Variants in ZPLD1 observed in about 807,000 individuals in gnomAD.
The protein encoded by ZPLD1 is zona pellucida like domain containing 1.
ZPLD1 carries 34 observed loss-of-function variants against 47.2 expected under a neutral mutation model. The ratio of observed to expected loss-of-function variants is 0.72; its 90% CI spans 0.55 to 0.96. The LOEUF (loss-of-function observed/expected upper bound fraction) is 0.96. ZPLD1 is among the 40% of genes least tolerant of loss of function. The pLI is 0.00. For missense variants in ZPLD1, 512 were observed against 505.8 expected (o/e 1.01, Z -0.12); for synonymous variants, 176 against 186.2 (o/e 0.95, Z 0.45).
chr3:102,474,933 C>G (rs1376173653), intron 10 of ZPLD1, among the ~76,000 whole-genome samples: 1 of 151,972 alleles, frequency 6.6e-6, no homozygotes, highest in East Asian at 1.9e-4. Context: ...GGATAAAAGT[C>G]TCCTGAAAAA....
intron 8 of ZPLD1, among the ~76,000 whole-genome samples, chr3:102,424,912 C>T (rs1017021942): frequency 2.0e-5 from 3 of 151,992 alleles, no homozygotes; most frequent in Non-Finnish European, 2.9e-5. Flanking sequence ...CTAATCTAAA[C>T]CCATGATTTT....
intron 8 of ZPLD1, among the ~76,000 whole-genome samples, chr3:102,466,941 T>C (rs1707602921): frequency 6.6e-6 from 1 of 150,958 alleles, no homozygotes; most frequent in South Asian, 2.1e-4. Context: ...TTTCCTAAAT[T>C]AAAAAAAAAT....
At chr3:102,424,414 T>C (rs2107308923) in intron 8 of ZPLD1, among the ~76,000 whole-genome samples, 1 of 152,246 alleles carries the variant, frequency 6.6e-6, no homozygotes, top group Non-Finnish European at 1.5e-5. Flanking sequence ...ATAACAAGCA[T>C]CCTCCCAAGA....
chr3:102,476,441 C>A (rs2107361733), intron 10 of ZPLD1, among the ~76,000 whole-genome samples: 1 of 152,132 alleles, frequency 6.6e-6, no homozygotes, highest in South Asian at 2.1e-4. Flanking sequence ...TTAACAGATG[C>A]AAATAAAACT....
intron 7 of ZPLD1, among the ~76,000 whole-genome samples, chr3:102,396,627 C>T (rs1706560824): frequency 6.6e-6 from 1 of 152,136 alleles, no homozygotes; most frequent in Non-Finnish European, 1.5e-5. Context: ...CCGATGAGGA[C>T]ACTAAGGCTG....
intron 6 of ZPLD1, among the ~76,000 whole-genome samples, chr3:102,387,030 C>G (rs1424947521): frequency 1.3e-5 from 2 of 152,192 alleles, no homozygotes; most frequent in African/African-American, 2.4e-5. Flanking sequence ...CTATTCTCCT[C>G]CATAATTTCC....
In ZPLD1 at chr3:102,436,843, A is replaced by G. The variant is rs1289887062; in HGVS notation, c.-122-17A>G. 1.0e-6 allele frequency: 1 copy of G among 973,302 alleles called. No individual in the cohort carries two copies. The highest frequency in any genetic ancestry group is 1.2e-6 in the Non-Finnish European group (1 of 818,970). The allele number at this position is 973,302 out of a possible 1,614,324, so 60.3% of individuals were successfully genotyped here. On this transcript the variant is annotated splice_polypyrimidine_tract_variant and intron_variant, in intron 1 of 11. Coordinates refer to ENST00000466937, the MANE Select transcript of ZPLD1 (RefSeq NM_001329788.2). The stretch of plus-strand genomic sequence containing the variant: ...AATAACTCACCAACTTAAATTCCTG[A>G]TTCTGTAATTTCTTAGGATACACCT...
In ZPLD1 at chr3:102,477,750, C is replaced by A; in HGVS notation, c.*132C>A. 1 of 834,174 alleles carries A rather than the reference C, an allele frequency of 1.2e-6. No homozygotes were observed. The highest frequency in any genetic ancestry group is 1.7e-5 in the African/African-American group (1 of 57,156). The allele number at this position is 834,174 out of a possible 1,614,324, so 51.7% of individuals were successfully genotyped here. A position where few individuals can be genotyped will look rare whatever the true frequency, so the allele number is the denominator to read the frequency against. On this transcript the variant is annotated 3_prime_UTR_variant, in exon 12 of 12. Coordinates refer to ENST00000466937, the MANE Select transcript of ZPLD1 (RefSeq NM_001329788.2). ...AGGTTTGATAAATTTCACAGTATAG[C>A]TTGTCAGCATAATGATAGTGAAAGA...
chr3:102,411,044 T>C (rs1706742839), intron 7 of ZPLD1, among the ~76,000 whole-genome samples: 1 of 151,826 alleles, frequency 6.6e-6, no homozygotes, highest in Non-Finnish European at 1.5e-5. Flanking sequence ...GAAAGAATTG[T>C]GTCTGCTTGC....
chr3:102,453,602 A>G (rs1576156977), intron 4 of ZPLD1, among the ~76,000 whole-genome samples: 1 of 152,252 alleles, frequency 6.6e-6, no homozygotes, highest in African/African-American at 2.4e-5. Flanking sequence ...CCATTGAATG[A>G]TCAACACTAG....
upstream of ZPLD1, among the ~76,000 whole-genome samples, chr3:102,434,320 T>C (rs578005449): frequency 6.6e-6 from 1 of 152,252 alleles, no homozygotes; most frequent in East Asian, 1.9e-4. Flanking sequence ...TGAGGAGGAA[T>C]TAAAAGTGCA....
At chr3:102,422,113 T>C (rs1053026589) in intron 8 of ZPLD1, among the ~76,000 whole-genome samples, 2 of 152,056 alleles carry the variant, frequency 1.3e-5, no homozygotes, top group African/African-American at 4.8e-5. Flanking sequence ...GATATGGCAC[T>C]ATCCCCTTTG....
chr3:102,471,256 C>T (rs1707681093), intron 10 of ZPLD1, among the ~76,000 whole-genome samples: 1 of 152,178 alleles, frequency 6.6e-6, no homozygotes, highest in Non-Finnish European at 1.5e-5. Context: ...ATTGTGGCGT[C>T]CACAGGGCTC....
rs777848937 is a variant in ZPLD1, at chr3:102,470,437, C to G, written c.977C>G (p.Thr326Ser). 1 of 1,614,056 alleles carries G rather than the reference C, an allele frequency of 6.2e-7. No individual in the cohort carries two copies. The highest frequency in any genetic ancestry group is 8.5e-7 in the Non-Finnish European group (1 of 1,179,998). ...AGGAGAGATGCTGGGAGGAGGACGA[C>G]TTGGAGCCCCCAGAGCTCTTCTGGC... is the stretch of plus-strand genomic sequence containing the variant. ...RERRDAGRRT[T>S]WSPQSSSGSA... Residue 326 changes from threonine to serine, a missense_variant, in exon 10 of 12, where the codon ACT (threonine) becomes AGT (serine). By Grantham distance (58) the Thr-to-Ser change is moderately conservative (BLOSUM62 1). Transcript: ENST00000466937.
intron 6 of ZPLD1, among the ~76,000 whole-genome samples, chr3:102,386,397 A>G (rs1470958253): frequency 6.6e-6 from 1 of 151,418 alleles, no homozygotes; most frequent in Non-Finnish European, 1.5e-5. Context: ...TAAATTCTAC[A>G]TTTCTAAGAA....
rs74471889 is a variant in ZPLD1, at chr3:102,404,521, G to T, written c.-157+12296G>T. 6.5e-3 allele frequency among the ~76,000 whole-genome samples: 984 copies of T among 152,094 alleles called. 9 individuals carry two copies. Among genetic ancestry groups the T allele is most frequent in the African/African-American group, 0.022 (928 of 41,532 alleles). ...TGTTAACCTAAGTTCGAATTGAGAT[G>T]AATGTTTCGGGTGAGAGTCAGTGAA... On this transcript the variant is annotated intron_variant, in intron 7 of 17. Transcript: ENST00000491959.
chr3:102,435,244 G>T, intron 1 of ZPLD1, 90 bp downstream of exon 1: 1 of 1,417,294 alleles, frequency 7.1e-7, no homozygotes, highest in South Asian at 1.2e-5. Flanking sequence ...TGAAAATGTC[G>T]TAAGCCCTGC....
intron 10 of ZPLD1, 21 bp downstream of exon 10, chr3:102,470,523 G>C: frequency 6.2e-7 from 1 of 1,600,412 alleles, no homozygotes; most frequent in East Asian, 2.2e-5. Context: ...TCCTCCTTCT[G>C]TATGTAGTAA....
chr3:102,421,509 C>T (rs545079225), intron 8 of ZPLD1, among the ~76,000 whole-genome samples: 2 of 151,816 alleles, frequency 1.3e-5, no homozygotes, highest in African/African-American at 4.8e-5. Context: ...TGTATTTGTG[C>T]TCATGTATTT....
Sources: gnomAD v4.1 joint callset for allele counts (sites outside exome capture counted in the v4.1 genomes callset) on GRCh38, gnomAD v4.1.1 for gene constraint, MANE v1.5 for transcripts, NCBI Gene and HGNC (gene_info 2026-07-23, HGNC 2026-07-21) for gene names.